Variants in SEPTIN9 observed in about 807,000 individuals in gnomAD.
The protein encoded by SEPTIN9 is septin-9.
A neutral mutation model predicts 56.6 loss-of-function variants in SEPTIN9; 13 were observed. The ratio of observed to expected loss-of-function variants is 0.23; its 90% CI spans 0.15 to 0.37. The LOEUF (loss-of-function observed/expected upper bound fraction) is 0.37. SEPTIN9 is among the 10% of genes least tolerant of loss of function. The probability of loss-of-function intolerance (pLI) is 1.00; values close to 1 mark genes in which losing one functional copy is unlikely to be tolerated. For missense variants in SEPTIN9, 650 were observed against 823.1 expected (o/e 0.79, Z 2.57); for synonymous variants, 332 against 334.1 (o/e 0.99, Z 0.07).
In SEPTIN9 at chr17:77,329,207, G is replaced by T. The variant is rs550418301; in HGVS notation, c.76+22010G>T. 2.6e-5 allele frequency among the ~76,000 whole-genome samples: 4 copies of T among 152,236 alleles called. No individual in the cohort carries two copies. On this transcript the variant is annotated intron_variant, in intron 2 of 11. Transcript: ENST00000427177. The surrounding 1 kb of genome is among the most constrained non-coding windows in gnomAD (Gnocchi z 4.3). ...AGAATGGCCAGGGGCAGGCAGGGAG[G>T]CCTGCTAGGGAGGAGGCTGCTGCAG... is the stretch of plus-strand genomic sequence containing the variant.
chr17:77,393,621 C>T (rs1050074817), intron 2 of SEPTIN9, among the ~76,000 whole-genome samples: 1 of 152,136 alleles, frequency 6.6e-6, no homozygotes, highest in Non-Finnish European at 1.5e-5. Flanking sequence ...TGGAGTTGCG[C>T]TCTTGTTGCC....
intron 3 of SEPTIN9, among the ~76,000 whole-genome samples, chr17:77,438,877 G>A (rs1367140829): frequency 6.6e-6 from 1 of 152,158 alleles, no homozygotes; most frequent in East Asian, 1.9e-4. Context: ...GAGATTCTGG[G>A]CTCCTCTGGA....
intron 10 of SEPTIN9, 135 bp downstream of exon 10, chr17:77,493,211 G>C: frequency 1.4e-6 from 1 of 704,524 alleles, no homozygotes; most frequent in Non-Finnish European, 2.5e-6. Context: ...AGAGGGAGGG[G>C]TCTCCTTGTC....
At position 77,429,860 on chromosome 17, in the gene SEPTIN9, C is replaced by A. The variant is rs1285062150; in HGVS notation, c.721+27157C>A. 6.6e-6 allele frequency among the ~76,000 whole-genome samples: 1 copy of A among 152,152 alleles called. No homozygotes were observed. The highest frequency in any genetic ancestry group is 1.5e-5 in the Non-Finnish European group (1 of 68,030). On this transcript the variant is annotated intron_variant, in intron 3 of 11. Coordinates refer to ENST00000427177, the MANE Select transcript of SEPTIN9 (RefSeq NM_001113491.2). The surrounding 1 kb of genome is among the most constrained non-coding windows in gnomAD (Gnocchi z 5.2). ...AGATGTTGCGAAACCTGTCTCTCTG[C>A]CTCTCTTTCTCCTGCTACAGAACTG...
intron 2 of SEPTIN9, among the ~76,000 whole-genome samples, chr17:77,393,767 G>A (rs1434688980): frequency 6.6e-6 from 1 of 151,990 alleles, no homozygotes; most frequent in Non-Finnish European, 1.5e-5. Flanking sequence ...TGTATTTTTA[G>A]TAGAGATGGG....
At position 77,402,681 on chromosome 17, in the gene SEPTIN9, G is replaced by A; in HGVS notation, c.699G>A (p.Glu233=). 1.3e-6 allele frequency: 2 copies of A among 1,599,834 alleles called. No homozygotes were observed. Among genetic ancestry groups the A allele is most frequent in the South Asian group, 2.2e-5 (2 of 90,092 alleles). ...LEPKPQPPVA[E]ATPRSQEATE... is the part of the protein sequence containing the mutation. ...CCAAGCCCCAGCCCCCTGTGGCTGAGGCTACACCCCGGAGCCAGGAGGGTG... is the reference window on the plus strand; with the variant it reads ...CCAAGCCCCAGCCCCCTGTGGCTGAAGCTACACCCCGGAGCCAGGAGGGTG... The change falls in exon 3 of 12, where the codon GAG becomes GAA. Residue 233 remains glutamate (E), a synonymous_variant. Coordinates refer to ENST00000427177, the MANE Select transcript of SEPTIN9 (RefSeq NM_001113491.2). The surrounding 1 kb of genome is among the most constrained non-coding windows in gnomAD (Gnocchi z 6.6).
At chr17:77,444,876 C>A in intron 3 of SEPTIN9, 2 of 332,114 alleles carry the variant, frequency 6.0e-6, no homozygotes, top group South Asian at 5.0e-5. Context: ...AGAGGTTGGG[C>A]TGTTCAGACA....
intron 3 of SEPTIN9, among the ~76,000 whole-genome samples, chr17:77,481,216 C>T (rs1005137986): frequency 6.6e-6 from 1 of 152,254 alleles, no homozygotes; most frequent in Non-Finnish European, 1.5e-5. Flanking sequence ...CAGCCAGGAG[C>T]AGGGCCATCG....
intron 3 of SEPTIN9, among the ~76,000 whole-genome samples, chr17:77,463,280 G>A (rs1169395449): frequency 6.6e-6 from 1 of 152,006 alleles, no homozygotes; most frequent in East Asian, 1.9e-4. Context: ...AAGCCCTGTT[G>A]CCTTCAACTG....
rs1044907923 is a variant in SEPTIN9, at chr17:77,498,461, GCCCCGCTGCCCCCA to G, written c.1626-52_1626-39del. 1.8e-5 allele frequency: 14 copies of G among 785,290 alleles called. No homozygotes were observed. The African/African-American group carries it at 2.1e-4, about 12-fold the overall frequency. 48.6% of individuals were successfully genotyped at this position (785,290 alleles called of 1,614,324 possible). On this transcript the variant is annotated intron_variant, in intron 11 of 11. Transcript: ENST00000427177. ...CCGAGGCAGGCCGAGCAGGGCCCCTGCCCCGCTGCCCCCACCCCGCTGCGCCCACCTCACTGACC... is the reference window on the plus strand; with the variant it reads ...CCGAGGCAGGCCGAGCAGGGCCCCTGCCCCGCTGCGCCCACCTCACTGACC...
chr17:77,308,837 G>A lies in SEPTIN9; in HGVS notation c.76+1640G>A, dbSNP rs2032369554. ...AGAGGGTGGCTTTTTACAGGGAGTGGGAGTGGAGGGGATGCCGTGTCCACA... is the reference window on the plus strand; with the variant it reads ...AGAGGGTGGCTTTTTACAGGGAGTGAGAGTGGAGGGGATGCCGTGTCCACA... On this transcript the variant is annotated intron_variant, in intron 2 of 11. Transcript: ENST00000427177. Among the ~76,000 whole-genome samples the A allele has an allele frequency of 2.0e-5, 3 of 152,208 alleles. 1 individual carries two copies. The South Asian group carries it at 6.2e-4, about 32-fold the overall frequency.
At chr17:77,470,295 C>T (rs2038932569) in intron 3 of SEPTIN9, among the ~76,000 whole-genome samples, 4 of 152,050 alleles carry the variant, frequency 2.6e-5, no homozygotes, top group Admixed American at 2.6e-4. Context: ...CCCATCTACT[C>T]ACCCACCCAT....
intron 3 of SEPTIN9, among the ~76,000 whole-genome samples, chr17:77,410,635 A>C (rs2036262733): frequency 6.6e-6 from 1 of 152,214 alleles, no homozygotes; most frequent in African/African-American, 2.4e-5. Flanking sequence ...GGAAGTGGGC[A>C]CAATTCTTCC....
chr17:77,496,384 G>T (rs2040257130), intron 10 of SEPTIN9: 1 of 152,180 alleles, frequency 6.6e-6, no homozygotes, highest in African/African-American at 2.4e-5. Flanking sequence ...AGAGACACTT[G>T]CAGGTGTGTG....
chr17:77,388,228 C>T lies in SEPTIN9; in HGVS notation c.77-13831C>T, dbSNP rs188929949. On this transcript the variant is annotated intron_variant, in intron 2 of 11. Transcript: ENST00000427177. ...GCGTTGTCTCAGAGCAGGAGGGGCC[C>T]CGGCTGAGTCCGAGAGTCCCCTCAG... Among the ~76,000 whole-genome samples the T allele has an allele frequency of 2.0e-3, 303 of 152,276 alleles. 1 individual carries two copies. Among genetic ancestry groups the T allele is most frequent in the Non-Finnish European group, 3.5e-3 (239 of 68,018 alleles).
At chr17:77,307,533 T>C (rs1166544552) in intron 2 of SEPTIN9, among the ~76,000 whole-genome samples, 2 of 150,880 alleles carry the variant, frequency 1.3e-5, no homozygotes, top group Non-Finnish European at 2.9e-5. Context: ...AGATGTGCCA[T>C]GGACAGGTGG....
intron 1 of SEPTIN9, among the ~76,000 whole-genome samples, chr17:77,300,767 C>G (rs1260556077): frequency 1.9e-5 from 2 of 103,406 alleles, no homozygotes; most frequent in Admixed American, 2.1e-4. Context: ...ATCCCAGGCT[C>G]AAAGCGCCCC....
intron 1 of SEPTIN9, among the ~76,000 whole-genome samples, chr17:77,306,105 G>A (rs1423195226): frequency 1.3e-5 from 2 of 152,066 alleles, no homozygotes; most frequent in Non-Finnish European, 2.9e-5. Context: ...TGGATGGATG[G>A]ATGGGTGAAT....
chr17:77,288,087 C>A, intron 1 of SEPTIN9: 1 of 1,064,084 alleles, frequency 9.4e-7, no homozygotes, highest in Non-Finnish European at 1.1e-6. Context: ...GCCAGAAAGT[C>A]CCCTTTGGAG....
Sources: allele counts gnomAD v4.1 joint callset (sites outside exome capture counted in the v4.1 genomes callset), GRCh38; gene constraint gnomAD v4.1.1; non-coding constraint Gnocchi (gnomAD v3.1); transcripts MANE v1.5; gene names NCBI Gene and HGNC (gene_info 2026-07-23, HGNC 2026-07-21).